Variants in SGCZ observed in about 807,000 individuals in gnomAD.
SGCZ encodes sarcoglycan zeta, also known as zeta-sarcoglycan.
In SGCZ, 40 loss-of-function variants were observed where a neutral mutation model predicts 41.3. That is an observed-to-expected ratio of 0.97 (90% CI 0.75 to 1.26). The LOEUF (loss-of-function observed/expected upper bound fraction) is 1.26. Among genes scored for constraint, SGCZ ranks in the 50% most tolerant of loss-of-function variants. SGCZ has a pLI of 0.00. For missense variants in SGCZ, 552 were observed against 369.8 expected, an observed-to-expected ratio of 1.49 and a Z score of -4.04; for synonymous variants, 206 against 137.5, an observed-to-expected ratio of 1.50 and a Z score of -3.49.
intron 3 of SGCZ, chr8:14,319,323 T>C (rs1226578088): frequency 6.6e-6 from 1 of 151,978 alleles, no homozygotes; most frequent in East Asian, 1.9e-4. Flanking sequence ...GTGCTTGGAC[T>C]TAATAGTGAA....
At chr8:15,206,364 A>C (rs934006742) in intron 1 of SGCZ, among the ~76,000 whole-genome samples, 1 of 152,030 alleles carries the variant, frequency 6.6e-6, no homozygotes, top group African/African-American at 2.4e-5. Context: ...TCTTGAGAGT[A>C]GTGACTTACC....
chr8:14,921,084 A>G (rs1188654853), intron 1 of SGCZ, among the ~76,000 whole-genome samples: 1 of 152,206 alleles, frequency 6.6e-6, no homozygotes, highest in Non-Finnish European at 1.5e-5. Context: ...ATCCTAAAGA[A>G]CTATCCCAGC....
intron 3 of SGCZ, among the ~76,000 whole-genome samples, chr8:14,245,539 G>A (rs1250792566): frequency 2.6e-5 from 4 of 152,088 alleles, no homozygotes; most frequent in African/African-American, 9.7e-5. Context: ...ACATTGGCAA[G>A]GACTTCATGT....
At chr8:14,486,868 A>G (rs920030466) in intron 2 of SGCZ, among the ~76,000 whole-genome samples, 1 of 152,248 alleles carries the variant, frequency 6.6e-6, no homozygotes, top group East Asian at 1.9e-4. Context: ...CAAATCATGT[A>G]AAGCCAACAG....
At chr8:14,146,094 A>G (rs1262937305) in intron 5 of SGCZ, among the ~76,000 whole-genome samples, 1 of 152,188 alleles carries the variant, frequency 6.6e-6, no homozygotes, top group African/African-American at 2.4e-5. Context: ...CAAGAAGGTT[A>G]TACAACACCA....
In SGCZ at chr8:14,164,611, A is replaced by T. The variant is rs373258276; in HGVS notation, c.516T>A (p.Ile172=). 5.6e-6 allele frequency: 9 copies of T among 1,613,346 alleles called. No homozygotes were observed. The highest frequency in any genetic ancestry group is 1.3e-5 in the African/African-American group (1 of 75,012). ...CTTTCAGCTTTTCAGCCCCAATGGT[A>T]ATCTCATCTTCATCTGCAGAAAACA... is the stretch of plus-strand genomic sequence containing the variant. ...RVLFSADEDE[I]TIGAEKLKVT... is the part of the protein sequence containing the mutation. Residue 172 remains isoleucine, a synonymous_variant, in exon 5 of 8, where the codon ATT becomes ATA. Transcript: ENST00000382080.
intron 1 of SGCZ, among the ~76,000 whole-genome samples, chr8:14,792,707 C>A (rs935857928): frequency 1.3e-5 from 2 of 152,094 alleles, no homozygotes; most frequent in African/African-American, 4.8e-5. Context: ...CCTAATGCAT[C>A]TTTCAACAGA....
chr8:14,191,910 T>C (rs902586939), intron 4 of SGCZ, among the ~76,000 whole-genome samples: 3 of 151,878 alleles, frequency 2.0e-5, no homozygotes, highest in African/African-American at 4.8e-5. Flanking sequence ...TGAAATTTTA[T>C]CTAAAAAAAA....
intron 2 of SGCZ, among the ~76,000 whole-genome samples, chr8:14,483,640 G>C (rs13267537): frequency 6.6e-6 from 1 of 152,134 alleles, no homozygotes; most frequent in Non-Finnish European, 1.5e-5. Context: ...TGTAAATTAC[G>C]TTGATAAAGA....
chr8:14,867,508 G>A (rs970525611), intron 1 of SGCZ, among the ~76,000 whole-genome samples: 1 of 151,580 alleles, frequency 6.6e-6, no homozygotes, highest in African/African-American at 2.4e-5. Context: ...TCTGTCTTTA[G>A]GTCTTTGAGG....
At chr8:15,117,976 T>C (rs1011336582) in intron 1 of SGCZ, among the ~76,000 whole-genome samples, 3 of 152,224 alleles carry the variant, frequency 2.0e-5, no homozygotes, top group Non-Finnish European at 4.4e-5. Context: ...CTAGTGTGCA[T>C]ATAGCTAAAA....
chr8:14,143,085 G>T (rs528160153), intron 5 of SGCZ, among the ~76,000 whole-genome samples: 1 of 150,912 alleles, frequency 6.6e-6, no homozygotes, highest in African/African-American at 2.4e-5. Flanking sequence ...AATTGATGCA[G>T]AATAGCATTT....
At chr8:14,177,788 T>C (rs1804591799) in intron 4 of SGCZ, among the ~76,000 whole-genome samples, 1 of 150,180 alleles carries the variant, frequency 6.7e-6, no homozygotes, top group Non-Finnish European at 1.5e-5. Context: ...CCTCCCAAAG[T>C]GCTGGGATTA....
At chr8:14,378,894 A>T (rs1804248683) in intron 2 of SGCZ, among the ~76,000 whole-genome samples, 1 of 152,212 alleles carries the variant, frequency 6.6e-6, no homozygotes, top group African/African-American at 2.4e-5. Flanking sequence ...ACCTAAAAAA[A>T]ATCTTTATTT....
intron 1 of SGCZ, among the ~76,000 whole-genome samples, chr8:14,786,850 A>C (rs968881128): frequency 7.1e-6 from 1 of 141,688 alleles, no homozygotes; most frequent in Non-Finnish European, 1.5e-5. Context: ...AAAAAAAAAA[A>C]ACAAAAAACA....
At chr8:14,996,435 C>G (rs1270239712) in intron 1 of SGCZ, among the ~76,000 whole-genome samples, 1 of 151,994 alleles carries the variant, frequency 6.6e-6, no homozygotes, top group East Asian at 1.9e-4. Context: ...GGTGTCCCTC[C>G]CTGTCCCCCA....
chr8:14,513,773 A>C (rs1036899485), intron 2 of SGCZ, among the ~76,000 whole-genome samples: 1 of 152,120 alleles, frequency 6.6e-6, no homozygotes, highest in African/African-American at 2.4e-5. Context: ...ATTTTAATTA[A>C]AATATGCACC....
Position 14,126,255 on chromosome 8 carries a change from A to C in SGCZ, c.548-18020T>G, listed in dbSNP as rs138998423. 9.0e-3 allele frequency among the ~76,000 whole-genome samples: 1,364 copies of C among 152,342 alleles called. 21 individuals are homozygous for C. Among genetic ancestry groups the C allele is most frequent in the African/African-American group, 0.031 (1,299 of 41,574 alleles). On this transcript the variant is annotated intron_variant, in intron 5 of 7. Coordinates refer to ENST00000382080, the MANE Select transcript of SGCZ (RefSeq NM_139167.4). Reference sequence around the variant, plus strand: ...ATTTGACAAATGTCTAACATCCCGAATTTACAAGGAACTTAAACAAATTTA... The same window carrying C: ...ATTTGACAAATGTCTAACATCCCGACTTTACAAGGAACTTAAACAAATTTA...
chr8:14,551,469 T>A, intron 2 of SGCZ, among the ~76,000 whole-genome samples: 1 of 6,320 alleles, frequency 1.6e-4, no homozygotes, highest in Non-Finnish European at 3.2e-4. Flanking sequence ...ATATATTATA[T>A]ATATTATATA....
Sources: allele counts gnomAD v4.1 joint callset (sites outside exome capture counted in the v4.1 genomes callset), GRCh38; gene constraint gnomAD v4.1.1; transcripts MANE v1.5; gene names NCBI Gene and HGNC (gene_info 2026-07-23, HGNC 2026-07-21).